The following TENM3 variants were observed in gnomAD, a reference collection of about 807,000 sequenced individuals.
The protein encoded by TENM3 is teneurin-3.
In TENM3, 63 loss-of-function variants were observed where a neutral mutation model predicts 255.1. The ratio of observed to expected loss-of-function variants is 0.25; its 90% CI spans 0.20 to 0.30. The LOEUF (loss-of-function observed/expected upper bound fraction) is 0.30. Among genes scored for constraint, TENM3 ranks in the 10% least tolerant of loss-of-function variants. The pLI, the probability that TENM3 is intolerant of heterozygous loss-of-function variation, is 1.00. For missense variants in TENM3, 2,929 were observed against 3,461.1 expected (o/e 0.85, Z 3.86); for synonymous variants, 1,306 against 1,322.3 (o/e 0.99, Z 0.27).
chr4:181,481,070 A>C, the TENM3 span, among the ~76,000 whole-genome samples: 1 of 151,928 alleles, frequency 6.6e-6, no homozygotes, highest in Non-Finnish European at 1.5e-5. Flanking sequence ...TAAAAAGTTG[A>C]ATGAAAGTAT....
chr4:182,690,127 C>T (rs892266188), intron 12 of TENM3, among the ~76,000 whole-genome samples: 16 of 152,130 alleles, frequency 1.1e-4, no homozygotes, highest in East Asian at 3.9e-4. Flanking sequence ...AGGGCCAGCC[C>T]GCCAAAATCC....
At chr4:181,683,881 A>G in the TENM3 span, among the ~76,000 whole-genome samples, 1 of 152,170 alleles carries the variant, frequency 6.6e-6, no homozygotes, top group Non-Finnish European at 1.5e-5. Context: ...TCGAGCACAC[A>G]GCTTGACTTG....
At chr4:182,330,282 G>T (rs954915451) in intron 2 of TENM3, among the ~76,000 whole-genome samples, 3 of 152,196 alleles carry the variant, frequency 2.0e-5, no homozygotes, top group Non-Finnish European at 4.4e-5. Flanking sequence ...GTAAACTTGT[G>T]TTTTTTTGTG....
chr4:182,210,778 C>T (rs1754972377), intron 1 of TENM3, among the ~76,000 whole-genome samples: 1 of 152,148 alleles, frequency 6.6e-6, no homozygotes, highest in Non-Finnish European at 1.5e-5. Flanking sequence ...TTTTGCCAAG[C>T]AGGTCTTCCC....
chr4:181,943,099 T>C, the TENM3 span, among the ~76,000 whole-genome samples: 1 of 152,170 alleles, frequency 6.6e-6, no homozygotes, highest in African/African-American at 2.4e-5. Context: ...TGTCTACAAA[T>C]GTAATTTTAG....
At chr4:182,311,973 C>A (rs566940687) in intron 1 of TENM3, among the ~76,000 whole-genome samples, 1 of 152,218 alleles carries the variant, frequency 6.6e-6, no homozygotes, top group Non-Finnish European at 1.5e-5. Context: ...CTTGATGCTA[C>A]ACAAGTCTTA....
intron 3 of TENM3, among the ~76,000 whole-genome samples, chr4:182,588,421 C>T (rs1446868453): frequency 6.6e-6 from 1 of 152,112 alleles, no homozygotes; most frequent in Non-Finnish European, 1.5e-5. Context: ...CTTTATTTGC[C>T]TTCCACCCTG....
chr4:182,368,327 G>A (rs1034013970), intron 3 of TENM3, among the ~76,000 whole-genome samples: 10 of 152,158 alleles, frequency 6.6e-5, no homozygotes, highest in African/African-American at 2.4e-4. Context: ...TCAATCCTGA[G>A]TAAGATTTTA....
At chr4:181,992,366 T>C in the TENM3 span, among the ~76,000 whole-genome samples, 1 of 152,134 alleles carries the variant, frequency 6.6e-6, no homozygotes, top group African/African-American at 2.4e-5. Flanking sequence ...TTCACAAATA[T>C]TGAAACTAGC....
chr4:182,005,563 A>G, the TENM3 span, among the ~76,000 whole-genome samples: 32 of 152,022 alleles, frequency 2.1e-4, no homozygotes, highest in African/African-American at 7.0e-4. Context: ...TTCTTCTTTG[A>G]TTCCATATGA....
the TENM3 span, among the ~76,000 whole-genome samples, chr4:181,870,783 A>C: frequency 6.6e-6 from 1 of 152,074 alleles, no homozygotes; most frequent in Non-Finnish European, 1.5e-5. Flanking sequence ...ATGATGCCTT[A>C]TGATAAATAG....
chr4:182,469,159 T>A (rs1732879133), intron 3 of TENM3, among the ~76,000 whole-genome samples: 1 of 152,174 alleles, frequency 6.6e-6, no homozygotes, highest in African/African-American at 2.4e-5. Context: ...TCTTAAGTAT[T>A]CTTGATAAGC....
Position 182,346,755 on chromosome 4 carries a change from A to C in TENM3, c.337A>C (p.Ser113Arg). ...GCTCCCTCACAGAGGTTACTCTATC[A>C]GTGCAGGGTCAGATGCTGATACTGA... Reference protein sequence around the residue: ...MGLPHRGYSISAGSDADTENE... With the variant: ...MGLPHRGYSIRAGSDADTENE... Residue 113 changes from serine (S) to arginine (R), a missense_variant, in exon 3 of 28, where the codon AGT (serine) becomes CGT (arginine). Physicochemically the swap from Ser to Arg is moderately radical, Grantham distance 110 (BLOSUM62 -1). Around this residue, in one of 6 missense-constraint regions of TENM3, gnomAD observed 283 missense variants for 256.9 expected, o/e 1.10. Coordinates refer to ENST00000511685, the MANE Select transcript of TENM3 (RefSeq NM_001080477.4). 6.2e-7 allele frequency: 1 copy of C among 1,613,662 alleles called. No homozygotes were observed.
chr4:182,516,308 T>A (rs1163820643), intron 3 of TENM3, among the ~76,000 whole-genome samples: 2 of 152,210 alleles, frequency 1.3e-5, no homozygotes, highest in Non-Finnish European at 2.9e-5. Flanking sequence ...AGATAATGAG[T>A]GTCGAAATCC....
the TENM3 span, among the ~76,000 whole-genome samples, chr4:181,450,431 G>A: frequency 9.4e-3 from 1,429 of 152,204 alleles, 17 homozygotes; most frequent in African/African-American, 0.031. Flanking sequence ...GAACACAATC[G>A]TTTTCTTCCT....
intron 3 of TENM3, among the ~76,000 whole-genome samples, chr4:182,572,153 C>T (rs1173317879): frequency 6.6e-6 from 1 of 152,202 alleles, no homozygotes; most frequent in East Asian, 1.9e-4. Context: ...CTGCCCACCT[C>T]TGCCTCCCAA....
At chr4:181,700,521 C>A in the TENM3 span, among the ~76,000 whole-genome samples, 1 of 152,136 alleles carries the variant, frequency 6.6e-6, no homozygotes, top group Non-Finnish European at 1.5e-5. Context: ...TTCCATTTTG[C>A]ATCTCATTTC....
At chr4:181,695,511 G>A in the TENM3 span, among the ~76,000 whole-genome samples, 26,991 of 152,086 alleles carry the variant, frequency 0.18, 3,257 homozygotes, top group Non-Finnish European at 0.27. Context: ...AATCCTTGGA[G>A]TTCAGTGTGA....
the TENM3 span, among the ~76,000 whole-genome samples, chr4:182,102,268 C>A: frequency 6.6e-6 from 1 of 152,122 alleles, no homozygotes; most frequent in Non-Finnish European, 1.5e-5. Context: ...AGCCATAGAC[C>A]ATTGGAGCCC....
Sources: allele counts gnomAD v4.1 joint callset (sites outside exome capture counted in the v4.1 genomes callset), GRCh38; gene constraint gnomAD v4.1.1; regional missense constraint gnomAD v4.1.1; transcripts MANE v1.5; gene names NCBI Gene and HGNC (gene_info 2026-07-23, HGNC 2026-07-21).